Variants in PAK1 observed in about 807,000 individuals in gnomAD.
PAK1 encodes p21 (RAC1) activated kinase 1.
In PAK1, 29 loss-of-function variants were observed where a neutral mutation model predicts 67.4. That is an observed-to-expected ratio of 0.43 (90% CI 0.32 to 0.59). The LOEUF (loss-of-function observed/expected upper bound fraction) is 0.59, where lower values mean the gene tolerates loss of function less well. Among genes scored for constraint, PAK1 ranks in the 20% least tolerant of loss-of-function variants. The probability of loss-of-function intolerance (pLI) is 0.07; values close to 1 mark genes in which losing one functional copy is unlikely to be tolerated. For missense variants in PAK1, 337 were observed against 670.7 expected, an observed-to-expected ratio of 0.50 and a Z score of 5.50; for synonymous variants, 223 against 237.4, an observed-to-expected ratio of 0.94 and a Z score of 0.56.
intron 2 of PAK1, among the ~76,000 whole-genome samples, chr11:77,382,496 C>T (rs1484111406): frequency 1.3e-5 from 2 of 152,132 alleles, no homozygotes; most frequent in African/African-American, 2.4e-5. Flanking sequence ...ATTTCCTGAC[C>T]TTTCTTCTTC....
chr11:77,368,961 T>C lies in PAK1; in HGVS notation c.477+5367A>G, dbSNP rs1217732910. Among the ~76,000 whole-genome samples, 45 of 152,190 alleles carry C rather than the reference T, an allele frequency of 3.0e-4. 1 individual carries two copies. The highest frequency in any genetic ancestry group is 2.9e-3 in the Admixed American group (45 of 15,280). Reference sequence around the variant, plus strand: ...TAGCCTTTCAGAAGTGATCTGTGGGTGGTAAACCTTGATCTTCACATGTCC... The same window carrying C: ...TAGCCTTTCAGAAGTGATCTGTGGGCGGTAAACCTTGATCTTCACATGTCC... On this transcript the variant is annotated intron_variant, in intron 5 of 14. Coordinates refer to ENST00000356341, the MANE Select transcript of PAK1 (RefSeq NM_002576.5).
At chr11:77,396,690 A>C (rs1225519561) in intron 1 of PAK1, among the ~76,000 whole-genome samples, 2 of 152,108 alleles carry the variant, frequency 1.3e-5, no homozygotes, top group Non-Finnish European at 2.9e-5. Context: ...AGACCTCCCA[A>C]ATCTATTTTC....
chr11:77,457,827 T>C (rs948631801), intron 1 of PAK1, among the ~76,000 whole-genome samples: 20 of 152,194 alleles, frequency 1.3e-4, no homozygotes, highest in African/African-American at 4.8e-4. Flanking sequence ...TAAGACAGGT[T>C]TTCCTTTTGG....
At chr11:77,525,319 G>A in the PAK1 span, among the ~76,000 whole-genome samples, 1,723 of 151,516 alleles carry the variant, frequency 0.011, 10 homozygotes, top group Middle Eastern at 0.034. Flanking sequence ...GACAGAGCCA[G>A]ACCGTGTCTC....
Position 77,415,645 on chromosome 11 carries a change from C to T in PAK1, c.-21-23104G>A, listed in dbSNP as rs564068112. 3.3e-3 allele frequency among the ~76,000 whole-genome samples: 506 copies of T among 151,620 alleles called. 1 individual carries two copies. The highest frequency in any genetic ancestry group is 4.6e-3 in the Non-Finnish European group (312 of 67,910). ...AAAAAAACAGTACATATGTAAAGGGCATTTACCATGAATGGAACTTGCAGG... is the reference window on the plus strand; with the variant it reads ...AAAAAAACAGTACATATGTAAAGGGTATTTACCATGAATGGAACTTGCAGG... On this transcript the variant is annotated intron_variant, in intron 1 of 14. Transcript: ENST00000356341.
chr11:77,462,053 G>A (rs888702985), intron 1 of PAK1, among the ~76,000 whole-genome samples: 26 of 152,154 alleles, frequency 1.7e-4, no homozygotes, highest in African/African-American at 4.8e-4. Context: ...TTCGCCGGGC[G>A]CTGTGGCTCA....
At chr11:77,475,494 C>G (rs1376993162), upstream of PAK1, 1 of 152,204 alleles carries the variant, frequency 6.6e-6, no homozygotes, top group Admixed American at 6.5e-5. Context: ...ACTTTATTAC[C>G]TGACTGCTTA....
chr11:77,421,655 C>T (rs1035010532), intron 1 of PAK1, among the ~76,000 whole-genome samples: 24 of 152,034 alleles, frequency 1.6e-4, no homozygotes, highest in Admixed American at 1.3e-4. Flanking sequence ...CTAGAAAGAC[C>T]AGTCAGAAAA....
chr11:77,326,857 A>T (rs1591637993), intron 14 of PAK1, among the ~76,000 whole-genome samples: 1 of 152,312 alleles, frequency 6.6e-6, no homozygotes, highest in African/African-American at 2.4e-5. Flanking sequence ...GGAAATTCGA[A>T]TCAATGGCAA....
the PAK1 span, among the ~76,000 whole-genome samples, chr11:77,489,375 T>C: frequency 6.6e-6 from 1 of 150,644 alleles, no homozygotes; most frequent in African/African-American, 2.4e-5. Context: ...AGCTCTCTCC[T>C]ATCTCCCCTC....
intron 5 of PAK1, among the ~76,000 whole-genome samples, chr11:77,363,311 G>A (rs186288527): frequency 6.6e-6 from 1 of 152,276 alleles, no homozygotes; most frequent in Admixed American, 6.5e-5. Flanking sequence ...ATGGTAGCCA[G>A]GGTGTGCTCA....
At chr11:77,518,439 C>T in the PAK1 span, among the ~76,000 whole-genome samples, 1 of 152,262 alleles carries the variant, frequency 6.6e-6, no homozygotes, top group South Asian at 2.1e-4. Flanking sequence ...TGTAATTCTT[C>T]ATCTTAAAAA....
chr11:77,469,200 G>C (rs1241100204), intron 1 of PAK1, among the ~76,000 whole-genome samples: 1 of 152,166 alleles, frequency 6.6e-6, no homozygotes, highest in Non-Finnish European at 1.5e-5. Flanking sequence ...GGTGCACATG[G>C]ACTAGAATTG....
intron 14 of PAK1, among the ~76,000 whole-genome samples, chr11:77,326,635 A>T (rs1565568415): frequency 6.6e-6 from 1 of 152,200 alleles, no homozygotes; most frequent in Non-Finnish European, 1.5e-5. Context: ...ACAGTGAGCC[A>T]TGATTGCGCC....
chr11:77,406,949 T>C (rs1953668819), intron 1 of PAK1, among the ~76,000 whole-genome samples: 1 of 152,192 alleles, frequency 6.6e-6, no homozygotes, highest in Non-Finnish European at 1.5e-5. Context: ...ACATAGGTGC[T>C]GCATGAATCC....
At chr11:77,493,780 A>G in the PAK1 span, among the ~76,000 whole-genome samples, 1 of 152,202 alleles carries the variant, frequency 6.6e-6, no homozygotes, top group African/African-American at 2.4e-5. Flanking sequence ...CAAGTAAGGA[A>G]GCTGAGCCTC....
At position 77,379,230 on chromosome 11, in the gene PAK1, A is replaced by G. The variant is rs1373243880; in HGVS notation, c.439+11T>C. 1.3e-6 allele frequency: 2 copies of G among 1,599,184 alleles called. No homozygotes were observed. The highest frequency in any genetic ancestry group is 2.3e-5 in the East Asian group (1 of 44,102). ...CTCTTGCTGAGACTGCCCTGGACGC[A>G]GTTCTCATACCTGTAAAGCTCATGT... On this transcript the variant is annotated intron_variant, in intron 4 of 14. Transcript: ENST00000356341.
the PAK1 span, among the ~76,000 whole-genome samples, chr11:77,490,401 T>A: frequency 3.7e-5 from 4 of 107,930 alleles, no homozygotes; most frequent in Admixed American, 3.7e-4. Flanking sequence ...TGGCCGCCCC[T>A]ACTGGGAAGT....
At chr11:77,333,411 T>A (rs1942094333) in intron 13 of PAK1, among the ~76,000 whole-genome samples, 1 of 152,134 alleles carries the variant, frequency 6.6e-6, no homozygotes, top group Non-Finnish European at 1.5e-5. Flanking sequence ...TTGGCCTGGC[T>A]GGTCTCAAAC....
Sources: allele counts gnomAD v4.1 joint callset (sites outside exome capture counted in the v4.1 genomes callset), GRCh38; gene constraint gnomAD v4.1.1; transcripts MANE v1.5; gene names NCBI Gene and HGNC (gene_info 2026-07-23, HGNC 2026-07-21).